The following ATXN7L2 variants were observed in gnomAD, a reference collection of about 807,000 sequenced individuals.
ATXN7L2 encodes the protein ataxin-7-like protein 2.
A neutral mutation model predicts 59.6 loss-of-function variants in ATXN7L2; 17 were observed. The observed-to-expected ratio is 0.29, with a 90% CI of 0.20 to 0.43. The LOEUF (loss-of-function observed/expected upper bound fraction) is 0.43, where lower values mean the gene tolerates loss of function less well. ATXN7L2 is among the 20% of genes least tolerant of loss of function. The probability of loss-of-function intolerance (pLI) is 1.00; values close to 1 mark genes in which losing one functional copy is unlikely to be tolerated. For synonymous variants in ATXN7L2, 378 were observed against 392.5 expected (o/e 0.96, Z 0.44); for missense variants, 858 against 1,008.9 (o/e 0.85, Z 2.03).
rs1362757765 is a variant in ATXN7L2, at chr1:109,486,225, T to G, written c.193+103T>G. 2.0e-6 allele frequency: 3 copies of G among 1,468,150 alleles called. No homozygotes were observed. In the African/African-American group the frequency reaches 4.3e-5, roughly 21 times the overall value. The allele number at this position is 1,468,150 out of a possible 1,614,324, so 90.9% of individuals were successfully genotyped here. On this transcript the variant is annotated intron_variant, in intron 2 of 10. Transcript: ENST00000683729. This position sits in a 1 kb window ranked among gnomAD's most constrained non-coding sequence, Gnocchi z 4.3. ...GAGGTGGCTGCTTGAAGCAGCTGTC[T>G]GGGGACCCTCATTTTGATAGGTCCG...
At position 109,491,319 on chromosome 1, in the gene ATXN7L2, A is replaced by G. The variant is rs1657047495; in HGVS notation, c.1852A>G (p.Ile618Val). Residue 618 changes from isoleucine (I) to valine (V), a missense_variant, in exon 10 of 11, where the codon ATC becomes GTC. Around this residue, in one of 3 missense-constraint regions of ATXN7L2, gnomAD observed 734 missense variants for 862.3 expected, o/e 0.85. Transcript: ENST00000683729. The surrounding 1 kb of genome is among the most constrained non-coding windows in gnomAD (Gnocchi z 4.1). ...CCCTACCACTCTTAAACGGACCTGC[A>G]TCCTGGAGCCCACTGGAAAAGGGAA... is the stretch of plus-strand genomic sequence containing the variant. ...PGPTTLKRTCILEPTGKGKPS... is the reference protein window; with the variant it reads ...PGPTTLKRTCVLEPTGKGKPS... 6.2e-7 allele frequency: 1 copy of G among 1,614,144 alleles called. No homozygotes were observed. The highest frequency in any genetic ancestry group is 1.1e-5 in the South Asian group (1 of 91,092).
In ATXN7L2 at chr1:109,491,268, T is replaced by C; in HGVS notation, c.1801T>C (p.Ser601Pro). The change falls in exon 10 of 11, where the codon TCT becomes CCT. Residue 601 changes from serine to proline, a missense_variant. By Grantham distance (74) the Ser-to-Pro change is moderately conservative. Around this residue, in one of 3 missense-constraint regions of ATXN7L2, gnomAD observed 734 missense variants for 862.3 expected, o/e 0.85. Transcript: ENST00000683729. This position sits in a 1 kb window ranked among gnomAD's most constrained non-coding sequence, Gnocchi z 4.1. ...GKDGVEVEAP[S>P]RKRKLSPGPT... ...GGACGGGGTGGAGGTGGAGGCCCCT[T>C]CTCGAAAGCGGAAGTTATCCCCTGG... The C allele has an allele frequency of 6.2e-7, 1 of 1,614,158 alleles. No homozygotes were observed. The highest frequency in any genetic ancestry group is 8.5e-7 in the Non-Finnish European group (1 of 1,180,034).
At position 109,484,014 on chromosome 1, in the gene ATXN7L2, C is replaced by A; in HGVS notation, c.61C>A (p.Leu21Ile). ...CGCTCTGGAGCGGCGGGTGCCGAGTCTCGATGACTTCGCGGGACAGAGCTG... is the reference window on the plus strand; with the variant it reads ...CGCTCTGGAGCGGCGGGTGCCGAGTATCGATGACTTCGCGGGACAGAGCTG... ...MAALERRVPS[L>I]DDFAGQSWSS... The change falls in exon 1 of 11, where the codon CTC (leucine) becomes ATC (isoleucine). Residue 21 changes from leucine (L) to isoleucine (I), a missense_variant. Leu to Ile is a conservative substitution (Grantham distance 5). This residue lies in a region of ATXN7L2 where 95 missense variants were observed against 82.6 expected (regional missense o/e 1.15). Transcript: ENST00000683729. The A allele has an allele frequency of 7.0e-7, 1 of 1,432,398 alleles. No homozygotes were observed. Among genetic ancestry groups the A allele is most frequent in the South Asian group, 1.5e-5 (1 of 65,888 alleles). 88.7% of individuals were successfully genotyped at this position (1,432,398 alleles called of 1,614,324 possible).
At chr1:109,484,269 T>G (rs573491) in intron 1 of ATXN7L2, among the ~76,000 whole-genome samples, 189 bp downstream of exon 1, 55,584 of 151,646 alleles carry the variant, frequency 0.37, 11,831 homozygotes, top group African/African-American at 0.58. Context: ...TCCTAGCGCC[T>G]GCTCACCGCT....
In ATXN7L2 at chr1:109,484,067, G is replaced by C. The variant is rs1056403078; in HGVS notation, c.114G>C (p.Leu38=). 4.0e-6 allele frequency: 6 copies of C among 1,517,246 alleles called. No homozygotes were observed. Among genetic ancestry groups the C allele is most frequent in the Non-Finnish European group, 5.3e-6 (6 of 1,129,764 alleles). 94.0% of individuals were successfully genotyped at this position (1,517,246 alleles called of 1,614,324 possible). A position where few individuals can be genotyped will look rare whatever the true frequency, so the allele number is the denominator to read the frequency against. Residue 38 remains leucine (L), a synonymous_variant, in exon 1 of 11, where the codon CTG becomes CTC. Transcript: ENST00000683729. ...SWSSWVERAD[L]PAADGAELEE... is the part of the protein sequence containing the mutation. ...GCTCGTGGGTGGAGCGGGCCGACCT[G>C]CCCGCGGCTGACGGTGAGTAAAGCC...
rs1433600268 is a variant in ATXN7L2, at chr1:109,488,632, T to C, written c.879+167T>C. On this transcript the variant is annotated intron_variant, in intron 6 of 10. Coordinates refer to ENST00000683729, the MANE Select transcript of ATXN7L2 (RefSeq NM_001350175.2). The surrounding 1 kb of genome is among the most constrained non-coding windows in gnomAD (Gnocchi z 5.0). ...GGGTATGCCCCTCCTGGGCAGAAGG[T>C]GGGAACAGTGGGAAGGAGGGAGTTT... 6.6e-6 allele frequency among the ~76,000 whole-genome samples: 1 copy of C among 151,984 alleles called. No individual in the cohort carries two copies. Among genetic ancestry groups the C allele is most frequent in the Non-Finnish European group, 1.5e-5 (1 of 67,978 alleles).
chr1:109,487,858 C>T, intron 5 of ATXN7L2, 54 bp downstream of exon 5: 1 of 1,523,056 alleles, frequency 6.6e-7, no homozygotes, highest in East Asian at 2.3e-5. Context: ...CTCCTTTGGG[C>T]TGCTTTGTCC....
At position 109,488,604 on chromosome 1, in the gene ATXN7L2, G is replaced by A; in HGVS notation, c.879+139G>A. The A allele has an allele frequency of 9.3e-7, 1 of 1,074,692 alleles. No individual in the cohort carries two copies. Among genetic ancestry groups the A allele is most frequent in the Non-Finnish European group, 1.3e-6 (1 of 742,848 alleles). The allele number at this position is 1,074,692 out of a possible 1,614,324, so 66.6% of individuals were successfully genotyped here. On this transcript the variant is annotated intron_variant, in intron 6 of 10. Transcript: ENST00000683729. The surrounding 1 kb of genome is among the most constrained non-coding windows in gnomAD (Gnocchi z 5.0). ...GTTAGGCCCACCCAAGGGAAGGGGAGATGGGTATGCCCCTCCTGGGCAGAA... is the reference window on the plus strand; with the variant it reads ...GTTAGGCCCACCCAAGGGAAGGGGAAATGGGTATGCCCCTCCTGGGCAGAA...
chr1:109,491,074 A>G lies in ATXN7L2; in HGVS notation c.1607A>G (p.Asn536Ser), dbSNP rs145297596. 270 of 1,613,536 alleles carry G rather than the reference A, an allele frequency of 1.7e-4. No individual in the cohort carries two copies. The highest frequency in any genetic ancestry group is 3.3e-4 in the Middle Eastern group (2 of 6,062). The change falls in exon 10 of 11, where the codon AAC becomes AGC. Residue 536 changes from asparagine (N) to serine (S), a missense_variant. By Grantham distance (46) the Asn-to-Ser change is conservative. This residue lies in a region of ATXN7L2 where 734 missense variants were observed against 862.3 expected (regional missense o/e 0.85). Coordinates refer to ENST00000683729, the MANE Select transcript of ATXN7L2 (RefSeq NM_001350175.2). The surrounding 1 kb of genome is among the most constrained non-coding windows in gnomAD (Gnocchi z 4.1). ...GCCTCCATGCCCCCCACCAAGGACAACCTTGTCCCCAGCTACCCTGCAGGC... is the reference window on the plus strand; with the variant it reads ...GCCTCCATGCCCCCCACCAAGGACAGCCTTGTCCCCAGCTACCCTGCAGGC... ...CPASMPPTKD[N>S]LVPSYPAGSP...
chr1:109,492,101 C>T, intron 10 of ATXN7L2: 1 of 1,066,428 alleles, frequency 9.4e-7, no homozygotes, highest in African/African-American at 1.7e-5. Flanking sequence ...TGCCGAGCAG[C>T]AAGGTGGGTG....
rs563921907 is a variant in ATXN7L2 at position 109,491,439 on chromosome 1, C to A, written c.1972C>A (p.Pro658Thr). Reference protein sequence around the residue: ...TMGPRVKRAGPLDCRGSPHQL... With the variant: ...TMGPRVKRAGTLDCRGSPHQL... ...GGGGCCAAGAGTGAAGCGGGCAGGGCCCCTGGACTGTCGTGGCTCCCCTCA... is the reference window on the plus strand; with the variant it reads ...GGGGCCAAGAGTGAAGCGGGCAGGGACCCTGGACTGTCGTGGCTCCCCTCA... The change falls in exon 10 of 11, where the codon CCC becomes ACC. Residue 658 changes from proline to threonine, a missense_variant. Transcript: ENST00000683729. The surrounding 1 kb of genome is among the most constrained non-coding windows in gnomAD (Gnocchi z 4.1). The A allele has an allele frequency of 2.2e-5, 35 of 1,614,002 alleles. No homozygotes were observed. The highest frequency in any genetic ancestry group is 2.7e-5 in the African/African-American group (2 of 74,958).
rs1657026409 is a variant in ATXN7L2, at chr1:109,491,122, G to A, written c.1655G>A (p.Cys552Tyr). ...PAGSPSVAAACSQAECMGGSQ... is the reference protein window; with the variant it reads ...PAGSPSVAAAYSQAECMGGSQ... ...GGCTCCCCCAGCGTGGCGGCTGCCT[G>A]TAGCCAGGCAGAGTGCATGGGCGGG... Residue 552 changes from cysteine to tyrosine, a missense_variant, in exon 10 of 11, where the codon TGT (cysteine) becomes TAT (tyrosine). Coordinates refer to ENST00000683729, the MANE Select transcript of ATXN7L2 (RefSeq NM_001350175.2). The surrounding 1 kb of genome is among the most constrained non-coding windows in gnomAD (Gnocchi z 4.1). 1 of 1,613,492 alleles carries A rather than the reference G, an allele frequency of 6.2e-7. No homozygotes were observed. Among genetic ancestry groups the A allele is most frequent in the Non-Finnish European group, 8.5e-7 (1 of 1,179,958 alleles).
At chr1:109,490,493 G>A in intron 9 of ATXN7L2, 101 bp downstream of exon 9, 1 of 1,474,084 alleles carries the variant, frequency 6.8e-7, no homozygotes, top group Non-Finnish European at 9.1e-7. Context: ...TATACCCATA[G>A]GTGTGCCTTG....
Position 109,486,964 on chromosome 1 carries a change from G to C in ATXN7L2, c.299-43G>C. ...TGGTTAGGTTGGGGAAGGAAGTGGT[G>C]ATACCACTCACCTTGATTATTCTTT... On this transcript the variant is annotated intron_variant, in intron 3 of 10. Transcript: ENST00000683729. The surrounding 1 kb of genome is among the most constrained non-coding windows in gnomAD (Gnocchi z 4.3). 1 of 1,494,068 alleles carries C rather than the reference G, an allele frequency of 6.7e-7. No homozygotes were observed. Among genetic ancestry groups the C allele is most frequent in the Non-Finnish European group, 9.0e-7 (1 of 1,108,810 alleles). The allele number at this position is 1,494,068 out of a possible 1,614,324, so 92.6% of individuals were successfully genotyped here. A position where few individuals can be genotyped will look rare whatever the true frequency, so the allele number is the denominator to read the frequency against.
At chr1:109,490,184 A>G (rs961362809) in intron 8 of ATXN7L2, 56 bp downstream of exon 8, 10 of 1,576,110 alleles carry the variant, frequency 6.3e-6, no homozygotes, top group Non-Finnish European at 8.6e-6. Flanking sequence ...CCTGGCCAAC[A>G]ACATGGGGAG....
Position 109,490,429 on chromosome 1 carries a change from G to A in ATXN7L2, c.1454+37G>A, listed in dbSNP as rs1204551580. Reference sequence around the variant, plus strand: ...GGACCCAGAATGGAAGTTCTAGAATGGAAATTCCTAGGTTCCAGACATACT... The same window carrying A: ...GGACCCAGAATGGAAGTTCTAGAATAGAAATTCCTAGGTTCCAGACATACT... On this transcript the variant is annotated intron_variant, in intron 9 of 10. Transcript: ENST00000683729. 3 of 1,604,276 alleles carry A rather than the reference G, an allele frequency of 1.9e-6. No individual in the cohort carries two copies. In the Admixed American group the frequency reaches 5.0e-5, roughly 27 times the overall value.
chr1:109,492,678 T>G lies in ATXN7L2; in HGVS notation c.*78T>G. On this transcript the variant is annotated 3_prime_UTR_variant, in exon 11 of 11. Transcript: ENST00000683729. ...GATCCGGGCCCCAGGCTGCTGCCGCTTTTTATAACTTTATATTATTTTTTT... is the reference window on the plus strand; with the variant it reads ...GATCCGGGCCCCAGGCTGCTGCCGCGTTTTATAACTTTATATTATTTTTTT... The G allele has an allele frequency of 6.6e-7, 1 of 1,514,962 alleles. No homozygotes were observed. The highest frequency in any genetic ancestry group is 2.3e-5 in the East Asian group (1 of 44,186). 93.8% of individuals were successfully genotyped at this position (1,514,962 alleles called of 1,614,324 possible).
rs761113751 is a variant in ATXN7L2 at position 109,490,969 on chromosome 1, C to T, written c.1502C>T (p.Pro501Leu). The T allele has an allele frequency of 9.4e-6, 15 of 1,593,814 alleles. No homozygotes were observed. The highest frequency in any genetic ancestry group is 8.1e-5 in the African/African-American group (6 of 74,232). Residue 501 changes from proline (P) to leucine (L), a missense_variant, in exon 10 of 11, where the codon CCG becomes CTG. Coordinates refer to ENST00000683729, the MANE Select transcript of ATXN7L2 (RefSeq NM_001350175.2). ...CCTCCAGCTCACCTTGTCAACTCCC[C>T]GTTATCTGCTCCCCTGAGCCCATCC... ...AEPPAHLVNS[P>L]LSAPLSPSST...
chr1:109,485,822 G>A, intron 1 of ATXN7L2: 1 of 1,192,168 alleles, frequency 8.4e-7, no homozygotes, highest in South Asian at 4.0e-5. Context: ...TGCAGCAGGT[G>A]AAGGAAGATG....
Sources: allele counts gnomAD v4.1 joint callset (sites outside exome capture counted in the v4.1 genomes callset), GRCh38; gene constraint gnomAD v4.1.1; regional missense constraint gnomAD v4.1.1; non-coding constraint Gnocchi (gnomAD v3.1); transcripts MANE v1.5; gene names NCBI Gene and HGNC (gene_info 2026-07-23, HGNC 2026-07-21).